FRY: variants seen among roughly 807,000 people sequenced by gnomAD.
FRY encodes FRY microtubule binding protein, also known as protein furry homolog.
Under a neutral mutation model 348.4 loss-of-function variants are expected in FRY, and 128 were observed. The ratio of observed to expected loss-of-function variants is 0.37; its 90% CI spans 0.32 to 0.43. The LOEUF is 0.43. Among genes scored for constraint, FRY ranks in the 20% least tolerant of loss-of-function variants. The pLI is 1.00. For missense variants in FRY, 2,736 were observed against 3,695.2 expected, an observed-to-expected ratio of 0.74 and a Z score of 6.73; for synonymous variants, 1,370 against 1,374.7, an observed-to-expected ratio of 1.00 and a Z score of 0.08.
Position 32,134,997 on chromosome 13 carries a change from G to C in FRY, c.978+1G>C. The C allele has an allele frequency of 6.2e-7, 1 of 1,604,642 alleles. No individual in the cohort carries two copies. The highest frequency in any genetic ancestry group is 8.5e-7 in the Non-Finnish European group (1 of 1,171,394). The stretch of plus-strand genomic sequence containing the variant: ...TGAAATACTTGTTCCAGTTGCTGCT[G>C]TGAGTTTCATTTCTAAAAACTCCTT... On this transcript the variant is annotated splice_donor_variant, in intron 9 of 60. Transcript: ENST00000542859. LOFTEE classifies it high-confidence loss of function.
chr13:32,222,044 A>G (rs878988261), intron 36 of FRY, among the ~76,000 whole-genome samples: 7 of 152,008 alleles, frequency 4.6e-5, no homozygotes, highest in Non-Finnish European at 8.8e-5. Flanking sequence ...GCAGGGTAGA[A>G]AGTGATTGGG....
intron 35 of FRY, among the ~76,000 whole-genome samples, chr13:32,214,137 C>T (rs1178411471): frequency 6.6e-6 from 1 of 152,248 alleles, no homozygotes; most frequent in Admixed American, 6.5e-5. Flanking sequence ...AGCACCTACA[C>T]TATTTGTCTA....
intron 49 of FRY, 24 bp downstream of exon 49, chr13:32,249,711 C>G: frequency 6.2e-7 from 1 of 1,608,190 alleles, no homozygotes; most frequent in Non-Finnish European, 8.5e-7. Flanking sequence ...GACCCACAGT[C>G]CTGGGAGGGA....
At position 32,209,731 on chromosome 13, in the gene FRY, T is replaced by C. The variant is rs200703343; in HGVS notation, c.4422T>C (p.Tyr1474=). 22 of 1,614,046 alleles carry C rather than the reference T, an allele frequency of 1.4e-5. No homozygotes were observed. The highest frequency in any genetic ancestry group is 1.9e-5 in the Non-Finnish European group (22 of 1,179,936). Residue 1474 remains tyrosine, a splice_region_variant and synonymous_variant, in exon 33 of 61, where the codon TAT becomes TAC. Coordinates refer to ENST00000542859, the MANE Select transcript of FRY (RefSeq NM_023037.3). ...GVSSDTVLLP[Y]IKKVAIYLCR... is the part of the protein sequence containing the mutation. ...GCAGCGACACAGTTCTCCTACCCTATGTAAGTGTCTCTCAGCCCTTCAAGA... is the reference window on the plus strand; with the variant it reads ...GCAGCGACACAGTTCTCCTACCCTACGTAAGTGTCTCTCAGCCCTTCAAGA...
Position 32,274,657 on chromosome 13 carries a change from TC to T in FRY, c.8137-184del, listed in dbSNP as rs553618678. ...AGGGGGAGCTTGCAGTGAGCCGAGA[TC>T]GCGCCACTGCACTCCAGCCTGGGCG... On this transcript the variant is annotated intron_variant, in intron 55 of 60. Transcript: ENST00000542859. Among the ~76,000 whole-genome samples, 12 of 124,412 alleles carry T rather than the reference TC, an allele frequency of 9.6e-5. 1 individual carries two copies. In the South Asian group the frequency reaches 2.3e-3, roughly 23 times the overall value. 81.6% of individuals were successfully genotyped at this position (124,412 alleles called of 152,430 possible). A position where few individuals can be genotyped will look rare whatever the true frequency, so the allele number is the denominator to read the frequency against.
chr13:32,223,675 A>G (rs1885433462), intron 36 of FRY, among the ~76,000 whole-genome samples: 1 of 152,170 alleles, frequency 6.6e-6, no homozygotes, highest in Non-Finnish European at 1.5e-5. Context: ...AGTCCTAGCT[A>G]CTTGGGAGGC....
At position 32,225,991 on chromosome 13, in the gene FRY, G is replaced by T; in HGVS notation, c.5206+17G>T. 1 of 1,610,340 alleles carries T rather than the reference G, an allele frequency of 6.2e-7. No homozygotes were observed. On this transcript the variant is annotated intron_variant, in intron 39 of 60. Transcript: ENST00000542859. The stretch of plus-strand genomic sequence containing the variant: ...TCTATACAGGTAACAGAGAAGGACT[G>T]GTAGAGAGCCTAGGACAGTTACAAA...
chr13:32,266,431 A>G (rs184566432), intron 54 of FRY, among the ~76,000 whole-genome samples: 8 of 152,208 alleles, frequency 5.3e-5, no homozygotes, highest in Admixed American at 3.3e-4. Flanking sequence ...GCATTTGTGC[A>G]TATGCATTTA....
At chr13:32,189,860 C>A (rs1272482430) in intron 28 of FRY, among the ~76,000 whole-genome samples, 1 of 151,918 alleles carries the variant, frequency 6.6e-6, no homozygotes, top group Non-Finnish European at 1.5e-5. Flanking sequence ...AAAAGGCAGT[C>A]TCATTCATGA....
chr13:32,234,877 A>G, intron 42 of FRY, 116 bp downstream of exon 42: 1 of 815,102 alleles, frequency 1.2e-6, no homozygotes, highest in Non-Finnish European at 2.0e-6. Flanking sequence ...CTGGACATGT[A>G]CAATATATTT....
intron 59 of FRY, among the ~76,000 whole-genome samples, chr13:32,291,347 T>C (rs1889346402): frequency 6.6e-6 from 1 of 152,138 alleles, no homozygotes; most frequent in African/African-American, 2.4e-5. Context: ...AGGAATCAAC[T>C]CTTTTCTTTT....
At position 32,178,267 on chromosome 13, in the gene FRY, C is replaced by G; in HGVS notation, c.2512C>G (p.Pro838Ala). ...CAATAGCCATTATGATGTGAAAAGCCCTTCCCATGTCTGGATATTTGCACA... is the reference window on the plus strand; with the variant it reads ...CAATAGCCATTATGATGTGAAAAGCGCTTCCCATGTCTGGATATTTGCACA... ...LVNSHYDVKS[P>A]SHVWIFAQSV... Residue 838 changes from proline (P) to alanine (A), a missense_variant, in exon 21 of 61, where the codon CCT becomes GCT. Pro to Ala is a conservative substitution (Grantham distance 27). This residue lies in a region of FRY where 449 missense variants were observed against 576.9 expected (regional missense o/e 0.78). Transcript: ENST00000542859. 1.2e-6 allele frequency: 2 copies of G among 1,614,084 alleles called. No individual in the cohort carries two copies. Among genetic ancestry groups the G allele is most frequent in the South Asian group, 2.2e-5 (2 of 91,080 alleles).
chr13:32,294,254 C>T (rs964911360), intron 59 of FRY, 114 bp from the exon 60 acceptor site: 2 of 729,552 alleles, frequency 2.7e-6, no homozygotes, highest in East Asian at 2.7e-5. Flanking sequence ...CTGAATTTAC[C>T]AAGGTATTAA....
At chr13:32,133,768 C>CTTTTTTTTTTTTTTTTTTTTTTTTTTTTT (rs34413710) in intron 8 of FRY, among the ~76,000 whole-genome samples, 24 of 89,286 alleles carry the variant, frequency 2.7e-4, no homozygotes, top group Non-Finnish European at 3.6e-4. Flanking sequence ...TTCTTTCTTT[C>CTTTTTTTTTTTTTTTTTTTTTTTTTTTTT]TTTTTTTTTT....
At position 32,079,028 on chromosome 13, in the gene FRY, C is replaced by T. The variant is rs1875297549; in HGVS notation, c.265C>T (p.Pro89Ser). 2 of 1,609,544 alleles carry T rather than the reference C, an allele frequency of 1.2e-6. No homozygotes were observed. The highest frequency in any genetic ancestry group is 1.7e-5 in the Admixed American group (1 of 59,986). Residue 89 changes from proline (P) to serine (S), a missense_variant, in exon 2 of 61, where the codon CCC becomes TCC. Transcript: ENST00000542859. ...ERKIRIIMAEPLEKPLTKSLQ... is the reference protein window; with the variant it reads ...ERKIRIIMAESLEKPLTKSLQ... ...CAAGATTCGTATCATTATGGCAGAG[C>T]CCCTGGTGAGTACATGCCGTGGAAA...
At chr13:32,195,776 T>C (rs182282605) in intron 29 of FRY, among the ~76,000 whole-genome samples, 1 of 152,340 alleles carries the variant, frequency 6.6e-6, no homozygotes, top group African/African-American at 2.4e-5. Context: ...TAAGGCATCA[T>C]TGTACACTAT....
At chr13:32,052,421 G>A (rs1873380361) in intron 1 of FRY, among the ~76,000 whole-genome samples, 3 of 152,156 alleles carry the variant, frequency 2.0e-5, no homozygotes, top group Non-Finnish European at 4.4e-5. Context: ...AAAGCAGTGT[G>A]CCCAACGCAA....
At position 32,185,127 on chromosome 13, in the gene FRY, A is replaced by T. The variant is rs765457543; in HGVS notation, c.3298A>T (p.Asn1100Tyr). Residue 1100 changes from asparagine (N) to tyrosine (Y), a missense_variant, in exon 26 of 61, where the codon AAC (asparagine) becomes TAC (tyrosine). Transcript: ENST00000542859. ...GGCACATTTTAGTGCAATGGTGGCCAACTTGATTCAGTGTGTTCCAGGTAC... is the reference window on the plus strand; with the variant it reads ...GGCACATTTTAGTGCAATGGTGGCCTACTTGATTCAGTGTGTTCCAGGTAC... ...IRAHFSAMVANLIQCVPVHHR... is the reference protein window; with the variant it reads ...IRAHFSAMVAYLIQCVPVHHR... 1.9e-6 allele frequency: 3 copies of T among 1,614,114 alleles called. No individual in the cohort carries two copies. The South Asian group carries it at 3.3e-5, about 18-fold the overall frequency.
chr13:32,184,111 C>T (rs798970), intron 24 of FRY, among the ~76,000 whole-genome samples: 61,625 of 151,062 alleles, frequency 0.41, 12,723 homozygotes, highest in Middle Eastern at 0.44. Context: ...CCCAGGAGTT[C>T]GAGGTTATAG....
Sources: allele counts gnomAD v4.1 joint callset (sites outside exome capture counted in the v4.1 genomes callset), GRCh38; gene constraint gnomAD v4.1.1; regional missense constraint gnomAD v4.1.1; transcripts MANE v1.5; gene names NCBI Gene and HGNC (gene_info 2026-07-23, HGNC 2026-07-21).